Variants in ARSG observed in about 807,000 individuals in gnomAD.
ARSG encodes ASG.
A neutral mutation model predicts 50.5 loss-of-function variants in ARSG; 37 were observed. That is an observed-to-expected ratio of 0.73 (90% CI 0.56 to 0.96). The LOEUF (loss-of-function observed/expected upper bound fraction) is 0.96, where lower values mean the gene tolerates loss of function less well. Ranked by LOEUF, ARSG falls within the 50% of genes least tolerant of loss-of-function variation. The pLI, the probability that ARSG is intolerant of heterozygous loss-of-function variation, is 0.00. For synonymous variants in ARSG, 225 were observed against 254.6 expected (o/e 0.88, Z 1.11); for missense variants, 629 against 675.3 (o/e 0.93, Z 0.76).
intron 2 of ARSG, among the ~76,000 whole-genome samples, chr17:68,327,447 T>C (rs1481838403): frequency 6.6e-6 from 1 of 152,196 alleles, no homozygotes; most frequent in Non-Finnish European, 1.5e-5. Context: ...TTCCAGCTTT[T>C]GGTAGCTCCA....
At chr17:68,266,501 A>C (rs188494537) in intron 1 of ARSG, among the ~76,000 whole-genome samples, 1 of 136,370 alleles carries the variant, frequency 7.3e-6, no homozygotes, top group Admixed American at 7.2e-5. Flanking sequence ...AAAAGTATAC[A>C]AAAAAAAAAA....
chr17:68,349,717 C>G (rs1350040974), intron 4 of ARSG, among the ~76,000 whole-genome samples: 1 of 151,970 alleles, frequency 6.6e-6, no homozygotes, highest in East Asian at 1.9e-4. Flanking sequence ...AATCCCATCT[C>G]TACAAAAATA....
chr17:68,265,793 T>C (rs1406635223), intron 1 of ARSG, among the ~76,000 whole-genome samples: 1 of 149,816 alleles, frequency 6.7e-6, no homozygotes, highest in Non-Finnish European at 1.5e-5. Context: ...TGAAAAAAAA[T>C]ATATTTCCTG....
the ARSG span, among the ~76,000 whole-genome samples, chr17:68,441,870 C>A: frequency 6.6e-6 from 1 of 152,306 alleles, no homozygotes; most frequent in African/African-American, 2.4e-5. Flanking sequence ...CAAAGAACAT[C>A]AGAGGTCTAA....
chr17:68,313,540 T>C (rs1246153686), intron 2 of ARSG, among the ~76,000 whole-genome samples: 1 of 152,186 alleles, frequency 6.6e-6, no homozygotes, highest in Non-Finnish European at 1.5e-5. Context: ...CCTACTCCAG[T>C]ATGACCTCAT....
At chr17:68,353,185 A>G (rs1484837506) in intron 5 of ARSG, among the ~76,000 whole-genome samples, 1 of 151,876 alleles carries the variant, frequency 6.6e-6, no homozygotes, top group African/African-American at 2.4e-5. Context: ...TGTTGAAAGT[A>G]AAACCACAAT....
intron 1 of ARSG, among the ~76,000 whole-genome samples, chr17:68,260,480 G>A (rs1228293911): frequency 2.6e-5 from 4 of 152,092 alleles, no homozygotes; most frequent in Admixed American, 2.6e-4. Flanking sequence ...ACCAAAAAAA[G>A]AGAGGTGCAA....
intron 2 of ARSG, among the ~76,000 whole-genome samples, chr17:68,338,200 G>T (rs1387664868): frequency 1.3e-5 from 2 of 151,878 alleles, no homozygotes; most frequent in African/African-American, 4.8e-5. Flanking sequence ...GTGTGTGTGT[G>T]CATGCATGTG....
intron 2 of ARSG, among the ~76,000 whole-genome samples, chr17:68,317,482 T>G (rs2077113720): frequency 6.6e-6 from 1 of 151,678 alleles, no homozygotes; most frequent in African/African-American, 2.4e-5. Context: ...TTTTTTTGTA[T>G]GTGAAAAACC....
At chr17:68,338,331 A>AG (rs1184612527) in intron 2 of ARSG, among the ~76,000 whole-genome samples, 2 of 152,162 alleles carry the variant, frequency 1.3e-5, no homozygotes, top group African/African-American at 4.8e-5. Context: ...ACATTAGGCC[A>AG]GGGGGACTGG....
the ARSG span, among the ~76,000 whole-genome samples, chr17:68,449,714 C>G: frequency 2.0e-5 from 3 of 152,244 alleles, no homozygotes; most frequent in African/African-American, 7.2e-5. Flanking sequence ...TCCCCAGAAG[C>G]AGATGCTGCC....
At chr17:68,305,234 C>T (rs1555763602) in intron 1 of ARSG, among the ~76,000 whole-genome samples, 1 of 152,188 alleles carries the variant, frequency 6.6e-6, no homozygotes, top group Non-Finnish European at 1.5e-5. Context: ...TTGCAACCTG[C>T]AGCTTAAAGT....
rs549954350 is a variant in ARSG at position 68,386,343 on chromosome 17, CTAA to C, written c.1091+1173_1091+1175del. ...ATTCCAAAGGTTCTTTGCCATTAGC[CTAA>C]TGAGTTCTGGCGTAAAGAACACAGC... is the stretch of plus-strand genomic sequence containing the variant. On this transcript the variant is annotated intron_variant, in intron 9 of 11. Transcript: ENST00000621439. 3.9e-5 allele frequency among the ~76,000 whole-genome samples: 6 copies of C among 152,306 alleles called. No homozygotes were observed. The East Asian group carries it at 1.2e-3, about 29-fold the overall frequency.
At chr17:68,387,493 A>C (rs2080786012) in intron 9 of ARSG, among the ~76,000 whole-genome samples, 1 of 152,052 alleles carries the variant, frequency 6.6e-6, no homozygotes, top group Non-Finnish European at 1.5e-5. Flanking sequence ...CTATAGATTT[A>C]CCTTCTTGCT....
chr17:68,339,213 G>A (rs181228566), intron 2 of ARSG, among the ~76,000 whole-genome samples: 45 of 152,190 alleles, frequency 3.0e-4, no homozygotes, highest in Non-Finnish European at 5.3e-4. Context: ...CAGAAGAATC[G>A]CTTGAACCTG....
At chr17:68,335,382 T>C (rs1448745309) in intron 2 of ARSG, among the ~76,000 whole-genome samples, 2 of 151,834 alleles carry the variant, frequency 1.3e-5, no homozygotes, top group African/African-American at 4.8e-5. Context: ...AGAAACCTCG[T>C]CTCTACTAAA....
chr17:68,297,879 T>C (rs781864267), intron 1 of ARSG, among the ~76,000 whole-genome samples: 2 of 152,126 alleles, frequency 1.3e-5, no homozygotes, highest in Non-Finnish European at 2.9e-5. Context: ...GGACTAACAG[T>C]AGCCAATATT....
chr17:68,336,188 C>T (rs945613425), intron 2 of ARSG, among the ~76,000 whole-genome samples: 5 of 151,562 alleles, frequency 3.3e-5, no homozygotes, highest in African/African-American at 9.7e-5. Context: ...TGTCAGCCAC[C>T]GTGCCTGGTC....
At position 68,271,269 on chromosome 17, in the gene ARSG, A is replaced by C; in HGVS notation, c.-552+11843A>C. ...GTGTTGCAAAGAGACCAAATAATGC[A>C]TAACAAATAAAACTTTTCTCTTTCA... On this transcript the variant is annotated intron_variant, in intron 1 of 11. Coordinates refer to the ARSG transcript ENST00000448504. This position sits in a 1 kb window ranked among gnomAD's most constrained non-coding sequence, Gnocchi z 5.3. 1 of 1,614,242 alleles carries C rather than the reference A, an allele frequency of 6.2e-7. No individual in the cohort carries two copies. The highest frequency in any genetic ancestry group is 1.1e-5 in the South Asian group (1 of 91,086).
Sources: gnomAD v4.1 joint callset for allele counts (sites outside exome capture counted in the v4.1 genomes callset) on GRCh38, gnomAD v4.1.1 for gene constraint, Gnocchi (gnomAD v3.1) non-coding constraint, MANE v1.5 for transcripts, NCBI Gene and HGNC (gene_info 2026-07-23, HGNC 2026-07-21) for gene names.